DCC: variants seen among roughly 807,000 people sequenced by gnomAD.
DCC encodes netrin receptor DCC.
In DCC, 58 loss-of-function variants were observed where a neutral mutation model predicts 172.5. The ratio of observed to expected loss-of-function variants is 0.34; its 90% confidence interval spans 0.27 to 0.42. The LOEUF is 0.42. Ranked by LOEUF, DCC falls within the 10% of genes least tolerant of loss-of-function variation. The pLI is 1.00. For missense variants in DCC, 1,740 were observed against 1,791.0 expected (o/e 0.97, Z 0.51); for synonymous variants, 709 against 644.5 (o/e 1.10, Z -1.52).
At chr18:53,150,489 C>T (rs992141813) in intron 7 of DCC, among the ~76,000 whole-genome samples, 2 of 152,152 alleles carry the variant, frequency 1.3e-5, no homozygotes, top group East Asian at 3.9e-4. Flanking sequence ...GACTTGGTTC[C>T]TTCTTTCACA....
chr18:53,124,371 CTAGT>C (rs1435331607), intron 7 of DCC, among the ~76,000 whole-genome samples: 13 of 152,002 alleles, frequency 8.6e-5, no homozygotes, highest in African/African-American at 3.1e-4. Flanking sequence ...CAGGCAAATA[CTAGT>C]TAGTTTCAAG....
intron 7 of DCC, among the ~76,000 whole-genome samples, chr18:53,079,400 C>A (rs906315361): frequency 1.1e-4 from 16 of 151,894 alleles, no homozygotes; most frequent in Admixed American, 9.8e-4. Flanking sequence ...AACAGATGAC[C>A]CTTGGGGAAA....
intron 12 of DCC, among the ~76,000 whole-genome samples, chr18:53,248,682 G>A (rs2144653085): frequency 6.6e-6 from 1 of 152,078 alleles, no homozygotes; most frequent in Middle Eastern, 3.4e-3. Flanking sequence ...GTTTTTTAAT[G>A]CCAGTTTCAA....
rs149195324 is a variant in DCC at position 53,410,059 on chromosome 18, C to T, written c.2936-393C>T. On this transcript the variant is annotated intron_variant, in intron 19 of 28. Transcript: ENST00000442544. Reference sequence around the variant, plus strand: ...TACCTTCCAATACATTTTTATTAAGCACAAGCCAAAATAAATATTGTTTAT... The same window carrying T: ...TACCTTCCAATACATTTTTATTAAGTACAAGCCAAAATAAATATTGTTTAT... 7.3e-3 allele frequency among the ~76,000 whole-genome samples: 1,106 copies of T among 152,206 alleles called. 16 individuals are homozygous for T. Among genetic ancestry groups the T allele is most frequent in the Admixed American group, 0.027 (407 of 15,284 alleles).
At chr18:52,844,754 T>C (rs1241573756) in intron 2 of DCC, among the ~76,000 whole-genome samples, 1 of 152,184 alleles carries the variant, frequency 6.6e-6, no homozygotes, top group Non-Finnish European at 1.5e-5. Context: ...ATATTGCTTC[T>C]TTTATTCATG....
Position 53,160,840 on chromosome 18 carries a change from C to CT in DCC, c.1418+3336dup, listed in dbSNP as rs1212175464. ...GAATTCTACATGCTTTCATATGTGA[C>CT]TTTTTTTTCACCCAAGTTTGTCTTA... On this transcript the variant is annotated intron_variant, in intron 8 of 28. Transcript: ENST00000442544. Among the ~76,000 whole-genome samples, 10 of 152,064 alleles carry CT rather than the reference C, an allele frequency of 6.6e-5. No homozygotes were observed. The East Asian group carries it at 9.6e-4, about 15-fold the overall frequency.
chr18:53,301,026 C>CT (rs1372690614), intron 12 of DCC, among the ~76,000 whole-genome samples: 1 of 38,486 alleles, frequency 2.6e-5, no homozygotes, highest in Non-Finnish European at 9.3e-5. Flanking sequence ...TCTTTCTTTT[C>CT]TTTTTCTTTT....
intron 1 of DCC, among the ~76,000 whole-genome samples, chr18:52,587,103 C>T (rs911799074): frequency 2.0e-5 from 3 of 152,202 alleles, no homozygotes; most frequent in African/African-American, 7.2e-5. Flanking sequence ...AACCTCTGCC[C>T]TTTCCATGAT....
intron 12 of DCC, among the ~76,000 whole-genome samples, chr18:53,301,741 G>T (rs1189243068): frequency 1.3e-5 from 2 of 151,938 alleles, no homozygotes; most frequent in Non-Finnish European, 2.9e-5. Context: ...TCAGGATTTG[G>T]TGCTGACACA....
intron 2 of DCC, among the ~76,000 whole-genome samples, chr18:52,868,539 G>A (rs999307003): frequency 2.0e-5 from 3 of 152,210 alleles, no homozygotes; most frequent in African/African-American, 4.8e-5. Context: ...TTCTAGCACA[G>A]GGTGGCTGTC....
At chr18:53,089,715 G>T (rs373699648) in intron 7 of DCC, among the ~76,000 whole-genome samples, 3 of 152,046 alleles carry the variant, frequency 2.0e-5, no homozygotes, top group African/African-American at 7.2e-5. Flanking sequence ...GCCATATCGT[G>T]GTTATACTTT....
At chr18:53,504,312 A>C (rs997922879) in intron 27 of DCC, among the ~76,000 whole-genome samples, 28 of 152,210 alleles carry the variant, frequency 1.8e-4, no homozygotes, top group African/African-American at 6.5e-4. Context: ...AGCCACAGGC[A>C]GAGGTCATGG....
At chr18:52,465,338 G>C (rs150207278) in intron 1 of DCC, among the ~76,000 whole-genome samples, 2 of 152,292 alleles carry the variant, frequency 1.3e-5, no homozygotes, top group African/African-American at 4.8e-5. Flanking sequence ...CTCAGCCAAA[G>C]AATACATATT....
chr18:53,115,753 A>C (rs1294438863), intron 7 of DCC, among the ~76,000 whole-genome samples: 1 of 151,696 alleles, frequency 6.6e-6, no homozygotes, highest in Non-Finnish European at 1.5e-5. Context: ...GTTATTTGGC[A>C]TTAAAAGTAA....
rs374419624 is a variant in DCC, at chr18:53,205,244, G to A, written c.1602G>A (p.Leu534=). The change falls in exon 10 of 29, where the codon CTG becomes CTA. Residue 534 remains leucine (L), a synonymous_variant. Transcript: ENST00000442544. ...AAGTTCCAGGGCCAGTAGAAAACCT[G>A]CAAGCTGTATCTACCTCACCTACCT... ...ELQVPGPVEN[L]QAVSTSPTSI... 26 of 1,613,290 alleles carry A rather than the reference G, an allele frequency of 1.6e-5. No individual in the cohort carries two copies. The East Asian group carries it at 2.9e-4, about 18-fold the overall frequency.
Position 52,588,929 on chromosome 18 carries a change from G to A in DCC, c.92-163125G>A, listed in dbSNP as rs146100782. Among the ~76,000 whole-genome samples, 92 of 151,542 alleles carry A rather than the reference G, an allele frequency of 6.1e-4. 1 individual carries two copies. The highest frequency in any genetic ancestry group is 1.1e-3 in the Non-Finnish European group (74 of 67,948). On this transcript the variant is annotated intron_variant, in intron 1 of 28. Coordinates refer to ENST00000442544, the MANE Select transcript of DCC (RefSeq NM_005215.4). ...AGTTTTTTAGTTATTTATTGCTTAC[G>A]TAATTCCAGGCAATATACAATATTT...
intron 7 of DCC, among the ~76,000 whole-genome samples, chr18:53,135,803 A>G (rs1893368): frequency 0.083 from 12,655 of 152,260 alleles, 733 homozygotes; most frequent in Non-Finnish European, 0.13. Context: ...ATCACCCTCA[A>G]TCTACAAGCC....
intron 5 of DCC, among the ~76,000 whole-genome samples, chr18:52,967,540 C>T (rs1457102197): frequency 6.6e-6 from 1 of 152,144 alleles, no homozygotes; most frequent in Non-Finnish European, 1.5e-5. Context: ...TTGCACCATT[C>T]TAAGACTTTG....
At chr18:52,884,234 T>C (rs1273006952) in intron 2 of DCC, among the ~76,000 whole-genome samples, 2 of 152,118 alleles carry the variant, frequency 1.3e-5, no homozygotes, top group African/African-American at 4.8e-5. Context: ...AATATTGATA[T>C]ATTTATCTAG....
Sources: allele counts gnomAD v4.1 joint callset (sites outside exome capture counted in the v4.1 genomes callset), GRCh38; gene constraint gnomAD v4.1.1; transcripts MANE v1.5; gene names NCBI Gene and HGNC (gene_info 2026-07-23, HGNC 2026-07-21).